BRPF1: variants seen among roughly 807,000 people sequenced by gnomAD.
BRPF1 encodes the protein bromodomain and PHD finger containing 1.
A neutral mutation model predicts 115.0 loss-of-function variants in BRPF1; 15 were observed. The observed-to-expected ratio is 0.13, with a 90% CI of 0.09 to 0.20. The LOEUF (loss-of-function observed/expected upper bound fraction) is 0.20, where lower values mean the gene tolerates loss of function less well. Among genes scored for constraint, BRPF1 ranks in the 10% least tolerant of loss-of-function variants. The probability of loss-of-function intolerance (pLI) is 1.00; values close to 1 mark genes in which losing one functional copy is unlikely to be tolerated. For synonymous variants in BRPF1, 647 were observed against 619.8 expected (o/e 1.04, Z -0.65); for missense variants, 1,118 against 1,638.3 (o/e 0.68, Z 5.48).
chr3:9,747,722 C>A lies in BRPF1; in HGVS notation c.*373C>A, dbSNP rs1015867529. Reference sequence around the variant, plus strand: ...CTGCCTAGAGGCCTGGGGCCCCTACCGGTCGTGAGGTGAGTGGGCATCTGT... The same window carrying A: ...CTGCCTAGAGGCCTGGGGCCCCTACAGGTCGTGAGGTGAGTGGGCATCTGT... On this transcript the variant is annotated 3_prime_UTR_variant, in exon 14 of 14. Coordinates refer to ENST00000383829, the MANE Select transcript of BRPF1 (RefSeq NM_001003694.2). This position sits in a 1 kb window ranked among gnomAD's most constrained non-coding sequence, Gnocchi z 5.6. 1 of 184,890 alleles carries A rather than the reference C, an allele frequency of 5.4e-6. No homozygotes were observed. The highest frequency in any genetic ancestry group is 1.3e-4 in the East Asian group (1 of 7,796). The allele number at this position is 184,890 out of a possible 1,614,324, so 11.5% of individuals were successfully genotyped here.
Position 9,747,302 on chromosome 3 carries a change from A to C in BRPF1, c.3616A>C (p.Ser1206Arg). 6.2e-7 allele frequency: 1 copy of C among 1,614,232 alleles called. No homozygotes were observed. Among genetic ancestry groups the C allele is most frequent in the Non-Finnish European group, 8.5e-7 (1 of 1,180,040 alleles). Residue 1206 changes from serine (S) to arginine (R), a missense_variant, in exon 14 of 14, where the codon AGC becomes CGC. Physicochemically the swap from Ser to Arg is moderately radical, Grantham distance 110 (BLOSUM62 -1). Coordinates refer to ENST00000383829, the MANE Select transcript of BRPF1 (RefSeq NM_001003694.2). The surrounding 1 kb of genome is among the most constrained non-coding windows in gnomAD (Gnocchi z 5.6). ...IAYHRALQHRSKVQGEQSSET... is the reference protein window; with the variant it reads ...IAYHRALQHRRKVQGEQSSET... ...CTACCACAGGGCTCTGCAGCACCGC[A>C]GCAAGGTGCAAGGCGAGCAGAGCAG...
At chr3:9,737,350 C>G (rs11923502) in intron 2 of BRPF1, among the ~76,000 whole-genome samples, 12,844 of 152,280 alleles carry the variant, frequency 0.084, 1,414 homozygotes, top group African/African-American at 0.25. Context: ...AATAAGTTAA[C>G]ATTTATTGAG....
chr3:9,746,604 G>A, intron 13 of BRPF1, 150 bp downstream of exon 13: 2 of 983,604 alleles, frequency 2.0e-6, no homozygotes, highest in Non-Finnish European at 1.4e-6. Flanking sequence ...TGAGCGAAAG[G>A]GTTGTGTCGA....
chr3:9,741,009 C>T, intron 4 of BRPF1, 68 bp downstream of exon 4: 1 of 1,506,726 alleles, frequency 6.6e-7, no homozygotes, highest in African/African-American at 1.4e-5. Context: ...AAATTTGCAA[C>T]TGTAGTTTCC....
Position 9,742,842 on chromosome 3 carries a change from G to A in BRPF1, c.2002-102G>A, listed in dbSNP as rs551288066. 37 of 1,265,174 alleles carry A rather than the reference G, an allele frequency of 2.9e-5. No homozygotes were observed. In the Admixed American group the frequency reaches 6.5e-4, roughly 22 times the overall value. The allele number at this position is 1,265,174 out of a possible 1,614,324, so 78.4% of individuals were successfully genotyped here. A position where few individuals can be genotyped will look rare whatever the true frequency, so the allele number is the denominator to read the frequency against. On this transcript the variant is annotated intron_variant, in intron 6 of 13. Transcript: ENST00000383829. Reference sequence around the variant, plus strand: ...ATATGCCTGCCTCTAACTGTGGTGGGAGGAGGTTGCTGGATGTGTTTCAGG... The same window carrying A: ...ATATGCCTGCCTCTAACTGTGGTGGAAGGAGGTTGCTGGATGTGTTTCAGG...
In BRPF1 at chr3:9,747,500, C is replaced by T; in HGVS notation, c.*151C>T. The T allele has an allele frequency of 1.1e-6, 1 of 871,114 alleles. No individual in the cohort carries two copies. Among genetic ancestry groups the T allele is most frequent in the Non-Finnish European group, 1.8e-6 (1 of 567,168 alleles). The allele number at this position is 871,114 out of a possible 1,614,324, so 54.0% of individuals were successfully genotyped here. A position where few individuals can be genotyped will look rare whatever the true frequency, so the allele number is the denominator to read the frequency against. On this transcript the variant is annotated 3_prime_UTR_variant, in exon 14 of 14. Transcript: ENST00000383829. The surrounding 1 kb of genome is among the most constrained non-coding windows in gnomAD (Gnocchi z 5.6). ...GCTGGGTGGGGGAGGTCCCTCCTGCCCTAAGTGCAGCTGGACTGTACAGAA... is the reference window on the plus strand; with the variant it reads ...GCTGGGTGGGGGAGGTCCCTCCTGCTCTAAGTGCAGCTGGACTGTACAGAA...
At position 9,745,595 on chromosome 3, in the gene BRPF1, C is replaced by T. The variant is rs772487324; in HGVS notation, c.3091C>T (p.Arg1031Trp). Residue 1031 changes from arginine to tryptophan, a missense_variant, in exon 11 of 14, where the codon CGG (arginine) becomes TGG (tryptophan). Arg to Trp is a moderately radical substitution (Grantham distance 101). This residue lies in a region of BRPF1 where 100 missense variants were observed against 109.9 expected (regional missense o/e 0.91). Coordinates refer to ENST00000383829, the MANE Select transcript of BRPF1 (RefSeq NM_001003694.2). The surrounding 1 kb of genome is among the most constrained non-coding windows in gnomAD (Gnocchi z 5.1). ...CAGCACAACGCCCTCAAAACAAGGC[C>T]GGGGCAAACCCTCCTTCTCTCGGGG... ...RTSTTPSKQG[R>W]GKPSFSRGTF... 9 of 1,614,008 alleles carry T rather than the reference C, an allele frequency of 5.6e-6. No individual in the cohort carries two copies. Among genetic ancestry groups the T allele is most frequent in the Admixed American group, 3.3e-5 (2 of 60,008 alleles).
intron 2 of BRPF1, among the ~76,000 whole-genome samples, chr3:9,737,509 C>T (rs1184270127): frequency 6.6e-6 from 1 of 152,174 alleles, no homozygotes; most frequent in Non-Finnish European, 1.5e-5. Flanking sequence ...GCTCACTTGC[C>T]CTCTGTTAGA....
In BRPF1 at chr3:9,743,406, C is replaced by A; in HGVS notation, c.2311+153C>A. On this transcript the variant is annotated intron_variant, in intron 7 of 13. Transcript: ENST00000383829. This position sits in a 1 kb window ranked among gnomAD's most constrained non-coding sequence, Gnocchi z 6.1. Reference sequence around the variant, plus strand: ...CAGGAATGCTCCCCAAGAAGCCAGACTGGGTGAATGGATAGCAGTGCCCGC... The same window carrying A: ...CAGGAATGCTCCCCAAGAAGCCAGAATGGGTGAATGGATAGCAGTGCCCGC... The A allele has an allele frequency of 8.1e-7, 1 of 1,237,138 alleles. No homozygotes were observed. The highest frequency in any genetic ancestry group is 1.5e-5 in the African/African-American group (1 of 65,864). The allele number at this position is 1,237,138 out of a possible 1,614,324, so 76.6% of individuals were successfully genotyped here.
At position 9,743,022 on chromosome 3, in the gene BRPF1, C is replaced by A; in HGVS notation, c.2080C>A (p.Leu694Met). ...GCAGAACTTGGAGGCTTACCGCTACCTGAATTTTGATGATTTTGAGGAGGA... is the reference window on the plus strand; with the variant it reads ...GCAGAACTTGGAGGCTTACCGCTACATGAATTTTGATGATTTTGAGGAGGA... ...MKQNLEAYRY[L>M]NFDDFEEDFN... is the part of the protein sequence containing the mutation. The change falls in exon 7 of 14, where the codon CTG (leucine) becomes ATG (methionine). Residue 694 changes from leucine (L) to methionine (M), a missense_variant. Leu to Met is a conservative substitution (Grantham distance 15, BLOSUM62 2). Transcript: ENST00000383829. This position sits in a 1 kb window ranked among gnomAD's most constrained non-coding sequence, Gnocchi z 6.1. 6.2e-7 allele frequency: 1 copy of A among 1,614,234 alleles called. No homozygotes were observed. The highest frequency in any genetic ancestry group is 1.1e-5 in the South Asian group (1 of 91,086).
intron 1 of BRPF1, chr3:9,733,174 A>G (rs2076883845): frequency 1.3e-5 from 2 of 152,238 alleles, no homozygotes; most frequent in African/African-American, 2.4e-5. Context: ...GTTTCACAGT[A>G]CATCTCCTAC....
At position 9,739,104 on chromosome 3, in the gene BRPF1, G is replaced by A; in HGVS notation, c.705G>A (p.Glu235=). 6.2e-7 allele frequency: 1 copy of A among 1,613,892 alleles called. No homozygotes were observed. Among genetic ancestry groups the A allele is most frequent in the Non-Finnish European group, 8.5e-7 (1 of 1,179,836 alleles). ...LDIMNERRKT[E]GVSPIPQEIF... is the part of the protein sequence containing the mutation. ...TCATGAATGAGCGTCGGAAGACAGA[G>A]GGTGTAAGTCCCATCCCGCAGGAGA... Residue 235 remains glutamate, a synonymous_variant, in exon 3 of 14, where the codon GAG becomes GAA. Transcript: ENST00000383829.
intron 2 of BRPF1, among the ~76,000 whole-genome samples, chr3:9,736,148 C>T (rs1225029784): frequency 6.6e-6 from 1 of 151,306 alleles, no homozygotes; most frequent in African/African-American, 2.4e-5. Flanking sequence ...GCTGGGATTA[C>T]AGGCACGTGC....
In BRPF1 at chr3:9,743,123, T is replaced by C. The variant is rs200409433; in HGVS notation, c.2181T>C (p.Leu727=). Residue 727 remains leucine, a synonymous_variant, in exon 7 of 14, where the codon CTT becomes CTC. Transcript: ENST00000383829. The surrounding 1 kb of genome is among the most constrained non-coding windows in gnomAD (Gnocchi z 6.1). ...TCTTCTACCGGGCAGCAGTGCGGCTTCGTGAGCAGGGTGGTGCTGTGCTCC... is the reference window on the plus strand; with the variant it reads ...TCTTCTACCGGGCAGCAGTGCGGCTCCGTGAGCAGGGTGGTGCTGTGCTCC... ...DTIFYRAAVR[L]REQGGAVLRQ... is the part of the protein sequence containing the mutation. 46 of 1,614,228 alleles carry C rather than the reference T, an allele frequency of 2.8e-5. No individual in the cohort carries two copies. The highest frequency in any genetic ancestry group is 3.8e-5 in the Non-Finnish European group (45 of 1,180,026).
At position 9,745,631 on chromosome 3, in the gene BRPF1, G is replaced by A. The variant is rs2077110964; in HGVS notation, c.3127G>A (p.Glu1043Lys). 6.2e-7 allele frequency: 1 copy of A among 1,614,118 alleles called. No individual in the cohort carries two copies. ...CTCCTTCTCTCGGGGCACTTTCCCA[G>A]AGGACAGCAGTGAGGATACCTCAGG... is the stretch of plus-strand genomic sequence containing the variant. ...KPSFSRGTFP[E>K]DSSEDTSGTE... The change falls in exon 11 of 14, where the codon GAG becomes AAG. Residue 1043 changes from glutamate (E) to lysine (K), a missense_variant. Transcript: ENST00000383829. This position sits in a 1 kb window ranked among gnomAD's most constrained non-coding sequence, Gnocchi z 5.1.
At chr3:9,735,483 T>A in intron 2 of BRPF1, among the ~76,000 whole-genome samples, 1 of 152,300 alleles carries the variant, frequency 6.6e-6, no homozygotes. Context: ...AATTAACGTG[T>A]GTTTTAAGGA....
At chr3:9,744,202 C>CT (rs1559666191) in intron 8 of BRPF1, 22 bp from the exon 9 acceptor site, 3 of 1,515,690 alleles carry the variant, frequency 2.0e-6, no homozygotes, top group East Asian at 2.3e-5. Context: ...ACCAACTCTC[C>CT]TTCTTTCTTT....
chr3:9,744,552 C>G, intron 9 of BRPF1, 44 bp downstream of exon 9: 1 of 1,401,102 alleles, frequency 7.1e-7, no homozygotes. Context: ...GTGAGCAAAG[C>G]TGCCATTCTT....
At position 9,747,690 on chromosome 3, in the gene BRPF1, T is replaced by C. The variant is rs1575171149; in HGVS notation, c.*341T>C. The C allele has an allele frequency of 9.3e-6, 2 of 214,806 alleles. No homozygotes were observed. Among genetic ancestry groups the C allele is most frequent in the East Asian group, 9.3e-5 (1 of 10,740 alleles). 13.3% of individuals were successfully genotyped at this position (214,806 alleles called of 1,614,324 possible). A position where few individuals can be genotyped will look rare whatever the true frequency, so the allele number is the denominator to read the frequency against. On this transcript the variant is annotated 3_prime_UTR_variant, in exon 14 of 14. Transcript: ENST00000383829. This position sits in a 1 kb window ranked among gnomAD's most constrained non-coding sequence, Gnocchi z 5.6. ...CCTCTACCTGCTCATGCCAGGAGAA[T>C]CCATAACTGCCTAGAGGCCTGGGGC...
Sources: allele counts gnomAD v4.1 joint callset (sites outside exome capture counted in the v4.1 genomes callset), GRCh38; gene constraint gnomAD v4.1.1; regional missense constraint gnomAD v4.1.1; non-coding constraint Gnocchi (gnomAD v3.1); transcripts MANE v1.5; gene names NCBI Gene and HGNC (gene_info 2026-07-23, HGNC 2026-07-21).